The following NF2 variants were observed in gnomAD, a reference collection of about 807,000 sequenced individuals.
NF2 encodes the protein merlin.
Under a neutral mutation model 83.7 loss-of-function variants are expected in NF2, and 8 were observed. The ratio of observed to expected loss-of-function variants is 0.10; its 90% CI spans 0.06 to 0.17. NF2 has a LOEUF of 0.17. Among genes scored for constraint, NF2 ranks in the 10% least tolerant of loss-of-function variants. The pLI is 1.00. For missense variants in NF2, 533 were observed against 744.4 expected (o/e 0.72, Z 3.31); for synonymous variants, 266 against 269.6 (o/e 0.99, Z 0.13).
At chr22:29,634,089 T>C (rs140098983) in intron 1 of NF2, among the ~76,000 whole-genome samples, 225 of 152,286 alleles carry the variant, frequency 1.5e-3, no homozygotes, top group African/African-American at 5.2e-3. Flanking sequence ...AGAGGCACTC[T>C]AGGGTCTGCG....
Position 29,696,066 on chromosome 22 carries a change from CT to C in NF2, c.*1287del, listed in dbSNP as rs886057354. ...GTCTGGGGCCACCTTCTTGCCCTTT[CT>C]TTTTTTTTTTTTTTTTTTTTTTCCG... On this transcript the variant is annotated 3_prime_UTR_variant, in exon 16 of 16. Transcript: ENST00000338641. 0.069 allele frequency: 10,674 copies of C among 153,908 alleles called. 2 individuals are homozygous for C. Among genetic ancestry groups the C allele is most frequent in the East Asian group, 0.17 (1,878 of 11,342 alleles). 9.5% of individuals were successfully genotyped at this position (153,908 alleles called of 1,614,324 possible). A position where few individuals can be genotyped will look rare whatever the true frequency, so the allele number is the denominator to read the frequency against.
At chr22:29,649,397 T>C (rs1247015072) in intron 4 of NF2, among the ~76,000 whole-genome samples, 1 of 152,170 alleles carries the variant, frequency 6.6e-6, no homozygotes, top group Non-Finnish European at 1.5e-5. Context: ...CTTGGCCACA[T>C]GGCAAAACCC....
intron 1 of NF2, among the ~76,000 whole-genome samples, chr22:29,607,109 A>T (rs1248140771): frequency 2.0e-5 from 3 of 152,206 alleles, no homozygotes; most frequent in African/African-American, 7.2e-5. Flanking sequence ...TGGTTGTATC[A>T]TTATACATTG....
At chr22:29,687,129 T>C (rs1380521031) in intron 15 of NF2, among the ~76,000 whole-genome samples, 2 of 152,244 alleles carry the variant, frequency 1.3e-5, no homozygotes, top group East Asian at 1.9e-4. Flanking sequence ...GATCCTGAGC[T>C]GGTCTGAGTG....
chr22:29,644,366 G>A (rs1156794682), intron 4 of NF2, among the ~76,000 whole-genome samples: 2 of 151,544 alleles, frequency 1.3e-5, no homozygotes, highest in South Asian at 2.1e-4. Context: ...ATGTGATGGC[G>A]GCCGGGAAGA....
intron 13 of NF2, among the ~76,000 whole-genome samples, chr22:29,675,672 G>C (rs1462604311): frequency 6.6e-6 from 1 of 152,008 alleles, no homozygotes; most frequent in Non-Finnish European, 1.5e-5. Context: ...AGGTGGAGAA[G>C]AGAACATAGG....
At chr22:29,619,970 A>T (rs1036670280) in intron 1 of NF2, among the ~76,000 whole-genome samples, 1 of 152,168 alleles carries the variant, frequency 6.6e-6, no homozygotes, top group African/African-American at 2.4e-5. Context: ...CATTCAAGAG[A>T]TATTATAAAA....
rs2146850062 is a variant in NF2 at position 29,636,678 on chromosome 22, G to A, written c.115-73G>A. The A allele has an allele frequency of 1.1e-5, 18 of 1,600,618 alleles. No homozygotes were observed. Among genetic ancestry groups the A allele is most frequent in the Non-Finnish European group, 1.5e-5 (17 of 1,168,126 alleles). On this transcript the variant is annotated intron_variant, in intron 1 of 15. Coordinates refer to ENST00000338641, the MANE Select transcript of NF2 (RefSeq NM_000268.4). The surrounding 1 kb of genome is among the most constrained non-coding windows in gnomAD (Gnocchi z 4.4). ...TCCCCACGTTTTGGAACCTGAGAGTGGAGAGTGCAGAGAAAAGGTTTTATT... is the reference window on the plus strand; with the variant it reads ...TCCCCACGTTTTGGAACCTGAGAGTAGAGAGTGCAGAGAAAAGGTTTTATT...
At chr22:29,654,624 C>T (rs1256935815) in intron 4 of NF2, 33 bp from the exon 5 acceptor site, 3 of 1,593,392 alleles carry the variant, frequency 1.9e-6, no homozygotes. Flanking sequence ...TCTTTAGAAT[C>T]TCAATCGCCT....
chr22:29,620,231 C>T (rs189313313), intron 1 of NF2, among the ~76,000 whole-genome samples: 32 of 152,018 alleles, frequency 2.1e-4, no homozygotes, highest in Non-Finnish European at 4.6e-4. Context: ...TGCACTCCAG[C>T]CTGGGCGACA....
intron 1 of NF2, 67 bp downstream of exon 1, chr22:29,604,179 T>G: frequency 7.9e-7 from 1 of 1,259,336 alleles, no homozygotes; most frequent in Non-Finnish European, 1.1e-6. Flanking sequence ...GTTCTCTTTA[T>G]ATCATCTTAT....
chr22:29,672,219 A>G (rs1009631779), intron 11 of NF2, among the ~76,000 whole-genome samples: 5 of 151,750 alleles, frequency 3.3e-5, no homozygotes, highest in African/African-American at 1.2e-4. Context: ...GGGGCTGACC[A>G]TCCTTTGCTG....
intron 1 of NF2, among the ~76,000 whole-genome samples, chr22:29,616,674 G>A (rs970472981): frequency 3.3e-5 from 5 of 151,930 alleles, no homozygotes; most frequent in African/African-American, 1.2e-4. Context: ...CCTGGAAGGC[G>A]GAGGTTGTGG....
intron 1 of NF2, among the ~76,000 whole-genome samples, chr22:29,620,131 C>T (rs146401582): frequency 1.4e-3 from 211 of 152,096 alleles, no homozygotes; most frequent in African/African-American, 4.7e-3. Context: ...TGGTAGTGGG[C>T]GCCTGTAGTC....
At chr22:29,664,371 C>CCACACA (rs35386801) in intron 8 of NF2, among the ~76,000 whole-genome samples, 171 of 146,452 alleles carry the variant, frequency 1.2e-3, no homozygotes, top group African/African-American at 3.6e-3. Context: ...AAAGCTAATA[C>CCACACA]CACACACACA....
chr22:29,633,577 G>A (rs2065571017), intron 1 of NF2, among the ~76,000 whole-genome samples: 1 of 152,166 alleles, frequency 6.6e-6, no homozygotes, highest in African/African-American at 2.4e-5. Flanking sequence ...CCAGATTGCA[G>A]ATTGGAGCCT....
chr22:29,632,199 CAT>C (rs2065531948), intron 1 of NF2, among the ~76,000 whole-genome samples: 2 of 152,158 alleles, frequency 1.3e-5, no homozygotes, highest in Admixed American at 6.5e-5. Context: ...CTTTTGGAAA[CAT>C]AGCATTATCC....
At position 29,640,859 on chromosome 22, in the gene NF2, C is replaced by T. The variant is rs555065337; in HGVS notation, c.364-1343C>T. 5.3e-5 allele frequency among the ~76,000 whole-genome samples: 8 copies of T among 152,200 alleles called. No homozygotes were observed. The East Asian group carries it at 7.7e-4, about 15-fold the overall frequency. On this transcript the variant is annotated intron_variant, in intron 3 of 15. Transcript: ENST00000338641. ...ATCAAAGGGACACTCTTAGGCTGGG[C>T]GTGGTGGCTCATGCCTGTAATCCCA... is the stretch of plus-strand genomic sequence containing the variant.
At chr22:29,690,746 A>G (rs1187589876) in intron 15 of NF2, among the ~76,000 whole-genome samples, 3 of 152,228 alleles carry the variant, frequency 2.0e-5, no homozygotes, top group Admixed American at 2.0e-4. Context: ...GTGAAGAGAC[A>G]GCTGGAGGAG....
Sources: gnomAD v4.1 joint callset for allele counts (sites outside exome capture counted in the v4.1 genomes callset) on GRCh38, gnomAD v4.1.1 for gene constraint, Gnocchi (gnomAD v3.1) non-coding constraint, MANE v1.5 for transcripts, NCBI Gene and HGNC (gene_info 2026-07-23, HGNC 2026-07-21) for gene names.